GALM: variants seen among roughly 807,000 people sequenced by gnomAD.
GALM encodes aldose 1-epimerase.
A neutral mutation model predicts 37.4 loss-of-function variants in GALM; 43 were observed. The ratio of observed to expected loss-of-function variants is 1.15; its 90% CI spans 0.90 to 1.48. GALM has a LOEUF of 1.48. Ranked by LOEUF, GALM falls within the 40% of genes most tolerant of loss-of-function variation. The pLI, the probability that GALM is intolerant of heterozygous loss-of-function variation, is 0.00. For synonymous variants in GALM, 199 were observed against 170.6 expected, an observed-to-expected ratio of 1.17 and a Z score of -1.30; for missense variants, 456 against 419.1, an observed-to-expected ratio of 1.09 and a Z score of -0.77.
intron 4 of GALM, among the ~76,000 whole-genome samples, chr2:38,721,950 T>C (rs1666383642): frequency 6.6e-6 from 1 of 151,854 alleles, no homozygotes; most frequent in South Asian, 2.1e-4. Context: ...GCTCCAATAA[T>C]TCTTCAGCAC....
At chr2:38,677,215 T>G (rs1665280113) in intron 2 of GALM, among the ~76,000 whole-genome samples, 1 of 152,212 alleles carries the variant, frequency 6.6e-6, no homozygotes, top group South Asian at 2.1e-4. Flanking sequence ...GGAGTAAATT[T>G]CAGTAGTTAA....
intron 4 of GALM, among the ~76,000 whole-genome samples, chr2:38,728,425 A>G (rs1004378458): frequency 6.7e-6 from 1 of 148,522 alleles, no homozygotes; most frequent in Non-Finnish European, 1.5e-5. Context: ...GGCTGGGTGC[A>G]GTGGCTCACG....
intron 4 of GALM, among the ~76,000 whole-genome samples, chr2:38,709,119 T>A (rs1180439538): frequency 6.6e-6 from 1 of 151,550 alleles, no homozygotes; most frequent in East Asian, 1.9e-4. Context: ...ACAGTGGGCC[T>A]AGACAGGTAG....
chr2:38,674,297 C>T (rs1665185224), intron 1 of GALM, among the ~76,000 whole-genome samples: 1 of 150,400 alleles, frequency 6.6e-6, no homozygotes, highest in African/African-American at 2.5e-5. Context: ...TCAAGCGATT[C>T]TCCTGCCTCA....
intron 4 of GALM, among the ~76,000 whole-genome samples, chr2:38,696,781 C>CTTTTTTTTT (rs34163863): frequency 2.9e-5 from 2 of 68,474 alleles, no homozygotes; most frequent in African/African-American, 6.6e-5. Context: ...CCCAAGAAAG[C>CTTTTTTTTT]TTTTTTTTTT....
chr2:38,684,914 A>C (rs1404865330), intron 3 of GALM, among the ~76,000 whole-genome samples: 1 of 152,202 alleles, frequency 6.6e-6, no homozygotes, highest in African/African-American at 2.4e-5. Context: ...CATGTGGTAC[A>C]TGACAGGTAG....
rs997734674 is a variant in GALM at position 38,720,045 on chromosome 2, A to AAAT, written c.635-9495_635-9493dup. Among the ~76,000 whole-genome samples the AAAT allele has an allele frequency of 1.8e-4, 27 of 151,580 alleles. 1 individual carries two copies. The highest frequency in any genetic ancestry group is 6.1e-4 in the African/African-American group (25 of 41,258). On this transcript the variant is annotated intron_variant, in intron 4 of 6. Coordinates refer to ENST00000272252, the MANE Select transcript of GALM (RefSeq NM_138801.3). ...GGTGAAACCCCGTCTCTACTAAAAA[A>AAAT]AATAATAATAATAATAATTAGCCAG...
At chr2:38,723,049 T>C (rs1433041176) in intron 4 of GALM, among the ~76,000 whole-genome samples, 1 of 152,216 alleles carries the variant, frequency 6.6e-6, no homozygotes, top group Non-Finnish European at 1.5e-5. Flanking sequence ...TGGGTTTTTT[T>C]CTGCCTCTCC....
Position 38,676,021 on chromosome 2 carries a change from C to T in GALM, c.300C>T (p.Asn100=). 2 of 1,614,082 alleles carry T rather than the reference C, an allele frequency of 1.2e-6. No homozygotes were observed. The highest frequency in any genetic ancestry group is 1.7e-6 in the Non-Finnish European group (2 of 1,180,002). ...GGAAGGAGTATCACCTGGCCATTAA[C>T]AAGGAACCCAACAGTCTGCATGGAG... ...VDGKEYHLAI[N]KEPNSLHGGV... The change falls in exon 2 of 7, where the codon AAC becomes AAT. Residue 100 remains asparagine (N), a synonymous_variant. Transcript: ENST00000272252.
chr2:38,713,489 C>T (rs1666210927), intron 4 of GALM, among the ~76,000 whole-genome samples: 1 of 152,146 alleles, frequency 6.6e-6, no homozygotes, highest in African/African-American at 2.4e-5. Flanking sequence ...GAGCTCCAGC[C>T]AGAAACGGGA....
rs1666663888 is a variant in GALM, at chr2:38,734,348, GC to G, written c.*785del. 2 of 121,028 alleles carry G rather than the reference GC, an allele frequency of 1.7e-5. No homozygotes were observed. The highest frequency in any genetic ancestry group is 5.8e-4 in the South Asian group (2 of 3,432). The allele number at this position is 121,028 out of a possible 1,614,324, so 7.5% of individuals were successfully genotyped here. A position where few individuals can be genotyped will look rare whatever the true frequency, so the allele number is the denominator to read the frequency against. ...GGAGGTTGCAGTGAGCCGAGATCATGCCACTGCACTGGGCAACAGAGCAAAA... is the reference window on the plus strand; with the variant it reads ...GGAGGTTGCAGTGAGCCGAGATCATGCACTGCACTGGGCAACAGAGCAAAA... On this transcript the variant is annotated 3_prime_UTR_variant, in exon 7 of 7. Transcript: ENST00000272252.
intron 1 of GALM, among the ~76,000 whole-genome samples, chr2:38,674,539 C>T (rs535201079): frequency 6.6e-6 from 1 of 152,198 alleles, no homozygotes; most frequent in Admixed American, 6.5e-5. Flanking sequence ...CATGAACAAA[C>T]TTATACTAAG....
At position 38,734,267 on chromosome 2, in the gene GALM, T is replaced by C. The variant is rs1138974; in HGVS notation, c.*702T>C. The C allele has an allele frequency of 0.52, 80,069 of 152,628 alleles. 20,572 individuals are homozygous for C. The highest frequency in any genetic ancestry group is 0.81 in the East Asian group (4,156 of 5,162). The allele number at this position is 152,628 out of a possible 1,614,324, so 9.5% of individuals were successfully genotyped here. A position where few individuals can be genotyped will look rare whatever the true frequency, so the allele number is the denominator to read the frequency against. On this transcript the variant is annotated 3_prime_UTR_variant, in exon 7 of 7. Transcript: ENST00000272252. Reference sequence around the variant, plus strand: ...TTAGCTGGGTGTGGTAGCACGCACCTGTAGTCCCAGCTACTTGGGAGGCTG... The same window carrying C: ...TTAGCTGGGTGTGGTAGCACGCACCCGTAGTCCCAGCTACTTGGGAGGCTG...
chr2:38,714,970 G>A (rs182812013), intron 4 of GALM, among the ~76,000 whole-genome samples: 2 of 152,152 alleles, frequency 1.3e-5, no homozygotes, highest in African/African-American at 2.4e-5. Context: ...AACTATGATT[G>A]TACTGGGGCC....
chr2:38,671,434 G>A (rs968052251), intron 1 of GALM: 1 of 152,172 alleles, frequency 6.6e-6, no homozygotes, highest in Non-Finnish European at 1.5e-5. Context: ...ATCTTACACG[G>A]CAGTAGGAGA....
chr2:38,667,527 G>A (rs544304042), intron 1 of GALM, among the ~76,000 whole-genome samples: 22 of 152,214 alleles, frequency 1.4e-4, no homozygotes, highest in South Asian at 4.1e-4. Context: ...CCAAGATTGC[G>A]CCACTGCACT....
intron 1 of GALM, among the ~76,000 whole-genome samples, chr2:38,670,921 T>G (rs1255789066): frequency 1.3e-5 from 2 of 152,002 alleles, no homozygotes; most frequent in East Asian, 1.9e-4. Flanking sequence ...TGATTGAGAG[T>G]GGTGAGTAAT....
intron 4 of GALM, among the ~76,000 whole-genome samples, chr2:38,692,595 T>C (rs543317658): frequency 1.3e-5 from 2 of 152,286 alleles, no homozygotes; most frequent in African/African-American, 4.8e-5. Context: ...AGCTTAATTT[T>C]GAAAGAAATC....
intron 3 of GALM, among the ~76,000 whole-genome samples, chr2:38,687,639 A>G (rs1159325778): frequency 6.6e-6 from 1 of 151,884 alleles, no homozygotes; most frequent in Non-Finnish European, 1.5e-5. Context: ...TGAACCCTGG[A>G]AGTGGAGGTT....
Sources: allele counts gnomAD v4.1 joint callset (sites outside exome capture counted in the v4.1 genomes callset), GRCh38; gene constraint gnomAD v4.1.1; transcripts MANE v1.5; gene names NCBI Gene and HGNC (gene_info 2026-07-23, HGNC 2026-07-21).